ZNF418: variants seen among roughly 807,000 people sequenced by gnomAD.
The protein encoded by ZNF418 is zinc finger protein 418.
Under a neutral mutation model 32.0 loss-of-function variants are expected in ZNF418, and 32 were observed. That is an observed-to-expected ratio of 1.00 (90% confidence interval 0.75 to 1.34). The LOEUF (loss-of-function observed/expected upper bound fraction) is 1.34, where lower values mean the gene tolerates loss of function less well. Ranked by LOEUF, ZNF418 falls within the 40% of genes most tolerant of loss-of-function variation. ZNF418 has a pLI of 0.00. For synonymous variants in ZNF418, 276 were observed against 270.7 expected (o/e 1.02, Z -0.19); for missense variants, 804 against 812.5 (o/e 0.99, Z 0.13).
At chr19:57,934,071 C>G (rs1166262317) in intron 1 of ZNF418, 169 bp from the exon 2 acceptor site, 1 of 1,425,416 alleles carries the variant, frequency 7.0e-7, no homozygotes, top group African/African-American at 1.4e-5. Flanking sequence ...CATCCTGTGT[C>G]ATGGACTTAG....
rs372331896 is a variant in ZNF418 at position 57,931,284 on chromosome 19, C to T, written c.7-730G>A. ...TGGCGGGATCTCAGCTCACTGCAAC[C>T]TCCACCTCCCAGGTTCAAGCAATTT... On this transcript the variant is annotated intron_variant, in intron 2 of 5. Coordinates refer to ENST00000396147, the MANE Select transcript of ZNF418 (RefSeq NM_133460.3). Among the ~76,000 whole-genome samples, 20 of 152,034 alleles carry T rather than the reference C, an allele frequency of 1.3e-4. No homozygotes were observed. In the East Asian group the frequency reaches 3.7e-3, roughly 28 times the overall value.
At chr19:57,934,082 G>A (rs1220134796) in intron 1 of ZNF418, 180 bp from the exon 2 acceptor site, 1 of 1,413,292 alleles carries the variant, frequency 7.1e-7, no homozygotes, top group South Asian at 1.6e-5. Flanking sequence ...ATGGACTTAG[G>A]ATTCTGGGTT....
chr19:57,925,805 T>G lies in ZNF418; in HGVS notation c.*345A>C. ...AAATGCCACACAGCTCCAACATAAT[T>G]GAGTTTATGCAGATGCTGAAGGTAT... On this transcript the variant is annotated 3_prime_UTR_variant, in exon 4 of 6. Transcript: ENST00000396147. 4.4e-6 allele frequency: 1 copy of G among 226,040 alleles called. No homozygotes were observed. Among genetic ancestry groups the G allele is most frequent in the Non-Finnish European group, 8.8e-6 (1 of 114,276 alleles). 14.0% of individuals were successfully genotyped at this position (226,040 alleles called of 1,614,324 possible).
intron 2 of ZNF418, chr19:57,932,318 C>A: frequency 2.1e-6 from 2 of 965,802 alleles, no homozygotes; most frequent in South Asian, 2.9e-5. Flanking sequence ...TACAGTATCA[C>A]CACACACCAA....
At chr19:57,930,305 A>T in intron 3 of ZNF418, 123 bp downstream of exon 3, 1 of 1,473,372 alleles carries the variant, frequency 6.8e-7, no homozygotes, top group South Asian at 1.2e-5. Flanking sequence ...AAACCTACCC[A>T]GAGAAGTGGA....
chr19:57,927,201 C>T lies in ZNF418; in HGVS notation c.980G>A (p.Gly327Asp). Residue 327 changes from glycine to aspartate, a missense_variant, in exon 4 of 6, where the codon GGT becomes GAT. Physicochemically the swap from Gly to Asp is moderately conservative, Grantham distance 94. Coordinates refer to ENST00000396147, the MANE Select transcript of ZNF418 (RefSeq NM_133460.3). ...GECGKSFSQN[G>D]TLIKHQRVHT... ...AACTCGTTGATGTTTAATGAGAGTACCATTTTGACTAAAAGATTTCCCACA... is the reference window on the plus strand; with the variant it reads ...AACTCGTTGATGTTTAATGAGAGTATCATTTTGACTAAAAGATTTCCCACA... 6.2e-7 allele frequency: 1 copy of T among 1,614,018 alleles called. No homozygotes were observed. The highest frequency in any genetic ancestry group is 8.5e-7 in the Non-Finnish European group (1 of 1,180,002).
rs1359886379 is a variant in ZNF418 at position 57,927,964 on chromosome 19, C to A, written c.217G>T (p.Gly73Trp). ...IQRVSQVSTP[G>W]AGVSPKKAHS... ...GCCTTCTTGGGAGACACACCTGCCC[C>A]AGGAGTGCTGACCTGAGACACTCTT... is the stretch of plus-strand genomic sequence containing the variant. Residue 73 changes from glycine to tryptophan, a missense_variant, in exon 4 of 6, where the codon GGG becomes TGG. Around this residue, in one of 3 missense-constraint regions of ZNF418, gnomAD observed 307 missense variants for 304.9 expected, o/e 1.01. Transcript: ENST00000396147. 6.2e-7 allele frequency: 1 copy of A among 1,611,348 alleles called. No homozygotes were observed. Among genetic ancestry groups the A allele is most frequent in the Non-Finnish European group, 8.5e-7 (1 of 1,178,292 alleles).
chr19:57,927,596 G>T lies in ZNF418; in HGVS notation c.585C>A (p.Pro195=), dbSNP rs753181422. 6.2e-7 allele frequency: 1 copy of T among 1,614,104 alleles called. No homozygotes were observed. The highest frequency in any genetic ancestry group is 1.3e-5 in the African/African-American group (1 of 75,044). ...KSNSKPECES[P]FQWGDTHYSC... ...TGTAATGAGTATCTCCCCACTGAAA[G>T]GGAGACTCACACTCAGGTTTGCTGT... The change falls in exon 4 of 6, where the codon CCC becomes CCA. Residue 195 remains proline, a synonymous_variant. Transcript: ENST00000396147.
At chr19:57,923,509 C>CATAT (rs1568536356) in intron 4 of ZNF418, among the ~76,000 whole-genome samples, 6 of 149,032 alleles carry the variant, frequency 4.0e-5, no homozygotes, top group African/African-American at 9.9e-5. Context: ...TATATACACA[C>CATAT]ACATATATAC....
rs368157472 is a variant in ZNF418 at position 57,925,288 on chromosome 19, A to G, written c.*527+335T>C. Among the ~76,000 whole-genome samples, 296 of 152,082 alleles carry G rather than the reference A, an allele frequency of 1.9e-3. 10 individuals are homozygous for G. The South Asian group carries it at 0.06, about 31-fold the overall frequency. On this transcript the variant is annotated intron_variant, in intron 4 of 5. Coordinates refer to ENST00000396147, the MANE Select transcript of ZNF418 (RefSeq NM_133460.3). ...ATCCTGGCTAACACGGAGAAACCCC[A>G]TTTCTACTAAAAATACAAAAAAATT...
intron 2 of ZNF418, among the ~76,000 whole-genome samples, chr19:57,932,018 C>T (rs188858002): frequency 5.4e-4 from 83 of 152,344 alleles, no homozygotes; most frequent in Non-Finnish European, 9.6e-4. Flanking sequence ...TAACTCACAG[C>T]CTGGCAGAGA....
At chr19:57,933,736 A>C in intron 2 of ZNF418, 81 bp downstream of exon 2, 1 of 1,578,478 alleles carries the variant, frequency 6.3e-7, no homozygotes, top group Non-Finnish European at 8.7e-7. Context: ...AAAAAGGAAA[A>C]TCTAGTTGCC....
intron 2 of ZNF418, among the ~76,000 whole-genome samples, chr19:57,933,097 G>A (rs1309901577): frequency 2.0e-5 from 3 of 152,152 alleles, no homozygotes; most frequent in Non-Finnish European, 4.4e-5. Context: ...GTGTGTCAAT[G>A]TCATAATGGA....
Position 57,933,808 on chromosome 19 carries a change from A to T in ZNF418, c.6+9T>A. On this transcript the variant is annotated intron_variant, in intron 2 of 5. Coordinates refer to ENST00000396147, the MANE Select transcript of ZNF418 (RefSeq NM_133460.3). ...TCCTTACTCATTAATATGGTCCAGTAACCCTCACCTGCATTATGGCAGGAG... is the reference window on the plus strand; with the variant it reads ...TCCTTACTCATTAATATGGTCCAGTTACCCTCACCTGCATTATGGCAGGAG... The T allele has an allele frequency of 6.2e-7, 1 of 1,614,088 alleles. No homozygotes were observed. The highest frequency in any genetic ancestry group is 1.1e-5 in the South Asian group (1 of 91,084).
chr19:57,926,281 G>T lies in ZNF418; in HGVS notation c.1900C>A (p.Leu634Ile), dbSNP rs2072216776. 1 of 1,608,326 alleles carries T rather than the reference G, an allele frequency of 6.2e-7. No individual in the cohort carries two copies. Among genetic ancestry groups the T allele is most frequent in the South Asian group, 1.1e-5 (1 of 91,028 alleles). Residue 634 changes from leucine (L) to isoleucine (I), a missense_variant, in exon 4 of 6, where the codon CTT (leucine) becomes ATT (isoleucine). Coordinates refer to ENST00000396147, the MANE Select transcript of ZNF418 (RefSeq NM_133460.3). ...GTGTGTACTCTCCTGTGTTCAGTAA[G>T]ACTGAAGGTTTCAGCAAAGGATTTC... Reference protein sequence around the residue: ...CGKSFAETFSLTEHRRVHTGE... With the variant: ...CGKSFAETFSITEHRRVHTGE...
intron 3 of ZNF418, among the ~76,000 whole-genome samples, chr19:57,930,189 C>T (rs1350047075): frequency 3.9e-5 from 6 of 152,158 alleles, no homozygotes; most frequent in East Asian, 1.9e-4. Flanking sequence ...AGATTGACTA[C>T]GAGACACCTG....
intron 4 of ZNF418, among the ~76,000 whole-genome samples, chr19:57,925,343 C>A (rs56131095): frequency 0.27 from 41,574 of 151,754 alleles, 5,968 homozygotes; most frequent in East Asian, 0.46. Context: ...CACCTGTAGT[C>A]CCAGCTACTC....
intron 4 of ZNF418, among the ~76,000 whole-genome samples, chr19:57,924,678 A>G (rs1399420714): frequency 6.6e-6 from 1 of 152,176 alleles, no homozygotes; most frequent in Non-Finnish European, 1.5e-5. Flanking sequence ...ATCAGAGCAC[A>G]TGGCTGCATT....
At chr19:57,925,310 A>C (rs960627389) in intron 4 of ZNF418, among the ~76,000 whole-genome samples, 1 of 152,062 alleles carries the variant, frequency 6.6e-6, no homozygotes, top group Admixed American at 6.6e-5. Context: ...AATACAAAAA[A>C]ATTAGCTGGG....
Sources: gnomAD v4.1 joint callset for allele counts (sites outside exome capture counted in the v4.1 genomes callset) on GRCh38, gnomAD v4.1.1 for gene constraint, gnomAD v4.1.1 regional missense constraint, MANE v1.5 for transcripts, NCBI Gene and HGNC (gene_info 2026-07-23, HGNC 2026-07-21) for gene names.